Variants in SLC16A7 observed in about 807,000 individuals in gnomAD.
The protein encoded by SLC16A7 is monocarboxylate transporter 2.
Under a neutral mutation model 34.9 loss-of-function variants are expected in SLC16A7, and 33 were observed. The ratio of observed to expected loss-of-function variants is 0.94; its 90% CI spans 0.72 to 1.26. The LOEUF is 1.26. SLC16A7 is among the 50% of genes most tolerant of loss of function. SLC16A7 has a pLI of 0.00. For missense variants in SLC16A7, 573 were observed against 578.1 expected, an observed-to-expected ratio of 0.99 and a Z score of 0.09; for synonymous variants, 201 against 206.6, an observed-to-expected ratio of 0.97 and a Z score of 0.23.
rs543406045 is a variant in SLC16A7 at position 59,770,729 on chromosome 12, G to C, written c.218-490G>C. Among the ~76,000 whole-genome samples the C allele has an allele frequency of 7.0e-4, 107 of 152,114 alleles. No homozygotes were observed. In the Middle Eastern group the frequency reaches 0.014, roughly 19 times the overall value. On this transcript the variant is annotated intron_variant, in intron 3 of 5. Coordinates refer to ENST00000547379, the MANE Select transcript of SLC16A7 (RefSeq NM_001270623.2). The stretch of plus-strand genomic sequence containing the variant: ...GGTGTCTTAGAATCAATAAATTATA[G>C]TATTAAAGAAAAATCACTGTTGAAG...
At chr12:59,705,845 A>G (rs1296750241) in intron 3 of SLC16A7, among the ~76,000 whole-genome samples, 1 of 152,134 alleles carries the variant, frequency 6.6e-6, no homozygotes, top group Non-Finnish European at 1.5e-5. Context: ...ATAGTCATTT[A>G]AAGAAATTAT....
chr12:59,779,340 C>G (rs560534862), intron 5 of SLC16A7, 83 bp from the exon 6 acceptor site: 2 of 1,077,036 alleles, frequency 1.9e-6, no homozygotes, highest in East Asian at 5.2e-5. Context: ...GAGGAATATA[C>G]TTTGAAGAAT....
rs987176216 is a variant in SLC16A7 at position 59,784,470 on chromosome 12, G to T, written c.*4791G>T. 1 of 152,028 alleles carries T rather than the reference G, an allele frequency of 6.6e-6. No homozygotes were observed. Among genetic ancestry groups the T allele is most frequent in the African/African-American group, 2.4e-5 (1 of 41,382 alleles). 9.4% of individuals were successfully genotyped at this position (152,028 alleles called of 1,614,324 possible). On this transcript the variant is annotated 3_prime_UTR_variant, in exon 6 of 6. Coordinates refer to ENST00000547379, the MANE Select transcript of SLC16A7 (RefSeq NM_001270623.2). The stretch of plus-strand genomic sequence containing the variant: ...TATTATCCGTAGCTACCAAAAAAAA[G>T]ATTATAAGATACAAATGATTTGGTT...
intron 1 of SLC16A7, among the ~76,000 whole-genome samples, chr12:59,613,415 C>T (rs898502162): frequency 2.0e-5 from 3 of 152,140 alleles, no homozygotes; most frequent in Admixed American, 6.5e-5. Flanking sequence ...ATTATATCAC[C>T]TCCCAAGGGC....
chr12:59,773,292 T>C (rs1470751969), intron 4 of SLC16A7, among the ~76,000 whole-genome samples: 2 of 152,168 alleles, frequency 1.3e-5, no homozygotes, highest in Non-Finnish European at 2.9e-5. Flanking sequence ...GTCCTGTTAC[T>C]CTCCAAAGCA....
chr12:59,614,825 A>G (rs1180215442), intron 1 of SLC16A7, among the ~76,000 whole-genome samples: 1 of 37,470 alleles, frequency 2.7e-5, no homozygotes, highest in South Asian at 8.6e-4. Context: ...CATTCCTACT[A>G]AAAAAAAAAA....
chr12:59,647,072 G>C (rs1477238460), intron 1 of SLC16A7, among the ~76,000 whole-genome samples: 2 of 152,112 alleles, frequency 1.3e-5, no homozygotes, highest in Non-Finnish European at 2.9e-5. Context: ...ATAAGACTAT[G>C]GACTTGGACT....
In SLC16A7 at chr12:59,600,935, C is replaced by T. The variant is rs114042814; in HGVS notation, c.-130+4699C>T. Among the ~76,000 whole-genome samples, 442 of 152,288 alleles carry T rather than the reference C, an allele frequency of 2.9e-3. 5 individuals carry two copies. The highest frequency in any genetic ancestry group is 0.01 in the African/African-American group (420 of 41,562). ...ACCTCATGAAAATCCTATGGGACAA[C>T]TGAACGACAGCTACAAGATACTGGC... On this transcript the variant is annotated intron_variant, in intron 1 of 5. Coordinates refer to ENST00000547379, the MANE Select transcript of SLC16A7 (RefSeq NM_001270623.2).
intron 2 of SLC16A7, among the ~76,000 whole-genome samples, chr12:59,665,996 T>A (rs757506877): frequency 1.4e-4 from 22 of 152,178 alleles, no homozygotes; most frequent in Non-Finnish European, 2.8e-4. Flanking sequence ...TATGCAGTTT[T>A]CCATTTGTAT....
At chr12:59,656,146 C>A (rs2137024157) in intron 2 of SLC16A7, among the ~76,000 whole-genome samples, 1 of 152,032 alleles carries the variant, frequency 6.6e-6, no homozygotes, top group Non-Finnish European at 1.5e-5. Context: ...CTGTCTTCTA[C>A]CTCTGTTGTA....
At chr12:59,691,395 G>T (rs1871630632) in intron 2 of SLC16A7, among the ~76,000 whole-genome samples, 1 of 151,982 alleles carries the variant, frequency 6.6e-6, no homozygotes, top group Non-Finnish European at 1.5e-5. Flanking sequence ...CTATTGATTG[G>T]CTATATGTTG....
chr12:59,663,319 A>C (rs1868957141), intron 2 of SLC16A7, among the ~76,000 whole-genome samples: 1 of 151,944 alleles, frequency 6.6e-6, no homozygotes, highest in African/African-American at 2.4e-5. Flanking sequence ...AATAAAGTTA[A>C]TAATTTCTTT....
At chr12:59,670,740 A>G (rs1274242020) in intron 2 of SLC16A7, among the ~76,000 whole-genome samples, 1 of 152,210 alleles carries the variant, frequency 6.6e-6, no homozygotes, top group African/African-American at 2.4e-5. Context: ...AAACAAGTTC[A>G]ACCTAGTGGG....
At chr12:59,693,292 A>T (rs1871891112) in intron 2 of SLC16A7, among the ~76,000 whole-genome samples, 1 of 151,974 alleles carries the variant, frequency 6.6e-6, no homozygotes, top group African/African-American at 2.4e-5. Context: ...AAGACTTCAT[A>T]GAATGGAGGC....
chr12:59,739,985 T>G (rs1268825524), intron 3 of SLC16A7, among the ~76,000 whole-genome samples: 8 of 152,084 alleles, frequency 5.3e-5, no homozygotes, highest in African/African-American at 9.6e-5. Flanking sequence ...TTTCTCCCAT[T>G]TTGTAGGTTG....
At chr12:59,682,283 G>C (rs1203249885) in intron 2 of SLC16A7, among the ~76,000 whole-genome samples, 1 of 152,090 alleles carries the variant, frequency 6.6e-6, no homozygotes, top group Admixed American at 6.6e-5. Context: ...TTATTTTTAA[G>C]TGCTAGTTTA....
At chr12:59,634,082 A>G (rs149339095) in intron 1 of SLC16A7, among the ~76,000 whole-genome samples, 2,186 of 152,186 alleles carry the variant, frequency 0.014, 55 homozygotes, top group African/African-American at 0.049. Flanking sequence ...AGCCGGGTTC[A>G]TTATCTTGTC....
At chr12:59,725,409 C>A (rs1795883) in intron 3 of SLC16A7, among the ~76,000 whole-genome samples, 1 of 151,940 alleles carries the variant, frequency 6.6e-6, no homozygotes, top group Admixed American at 6.6e-5. Flanking sequence ...CTGCTTCCAA[C>A]TTCCAGGATT....
intron 2 of SLC16A7, among the ~76,000 whole-genome samples, chr12:59,690,036 G>GT (rs1871462527): frequency 6.6e-6 from 1 of 151,920 alleles, no homozygotes; most frequent in Admixed American, 6.6e-5. Context: ...TTCATTCCTA[G>GT]AAAGGATTCT....
Sources: allele counts gnomAD v4.1 joint callset (sites outside exome capture counted in the v4.1 genomes callset), GRCh38; gene constraint gnomAD v4.1.1; transcripts MANE v1.5; gene names NCBI Gene and HGNC (gene_info 2026-07-23, HGNC 2026-07-21).